Variants in MAPKAPK5 observed in about 807,000 individuals in gnomAD.
The protein encoded by MAPKAPK5 is MAP kinase-activated protein kinase 5.
In MAPKAPK5, 30 loss-of-function variants were observed where a neutral mutation model predicts 65.1. That is an observed-to-expected ratio of 0.46 (90% CI 0.34 to 0.63). The LOEUF is 0.63. Among genes scored for constraint, MAPKAPK5 ranks in the 20% least tolerant of loss-of-function variants. MAPKAPK5 has a pLI of 0.01. For missense variants in MAPKAPK5, 433 were observed against 581.4 expected (o/e 0.74, Z 2.63); for synonymous variants, 179 against 204.6 (o/e 0.87, Z 1.07).
chr12:111,869,468 C>G (rs2069712641), intron 5 of MAPKAPK5, among the ~76,000 whole-genome samples: 1 of 152,180 alleles, frequency 6.6e-6, no homozygotes. Flanking sequence ...ACCCTCAAGG[C>G]TTATCTTCAT....
intron 7 of MAPKAPK5, among the ~76,000 whole-genome samples, chr12:111,878,835 A>C (rs1004281255): frequency 6.6e-6 from 1 of 152,130 alleles, no homozygotes; most frequent in Non-Finnish European, 1.5e-5. Context: ...TATATGTGTG[A>C]ATTTATTTTT....
chr12:111,857,366 G>T (rs770907513), intron 1 of MAPKAPK5, among the ~76,000 whole-genome samples: 1 of 151,336 alleles, frequency 6.6e-6, no homozygotes, highest in Non-Finnish European at 1.5e-5. Flanking sequence ...CTCACCCTCC[G>T]TAGTAGCTGG....
chr12:111,901,278 A>G lies in MAPKAPK5; in HGVS notation c.*8217A>G. 2.2e-6 allele frequency: 1 copy of G among 455,798 alleles called. No individual in the cohort carries two copies. Among genetic ancestry groups the G allele is most frequent in the Non-Finnish European group, 4.4e-6 (1 of 226,788 alleles). 28.2% of individuals were successfully genotyped at this position (455,798 alleles called of 1,614,324 possible). A position where few individuals can be genotyped will look rare whatever the true frequency, so the allele number is the denominator to read the frequency against. On this transcript the variant is annotated 3_prime_UTR_variant, in exon 14 of 14. Transcript: ENST00000550735. ...CAACCCAGAAAAAACGTGTAATGGG[A>G]AGGGAGTTTGTAATGATTTAGGGCA... is the stretch of plus-strand genomic sequence containing the variant.
At chr12:111,844,969 T>C (rs1307382136) in intron 1 of MAPKAPK5, among the ~76,000 whole-genome samples, 1 of 152,188 alleles carries the variant, frequency 6.6e-6, no homozygotes, top group Admixed American at 6.5e-5. Context: ...TTGTAGGCCA[T>C]CGTAAGAACT....
chr12:111,865,167 G>A (rs757445701), intron 1 of MAPKAPK5, 83 bp from the exon 2 acceptor site: 6 of 806,422 alleles, frequency 7.4e-6, no homozygotes, highest in African/African-American at 1.7e-5. Flanking sequence ...TGAGTGACAG[G>A]TCTTCTGTTG....
At chr12:111,855,711 C>T (rs2069211814) in intron 1 of MAPKAPK5, among the ~76,000 whole-genome samples, 1 of 151,862 alleles carries the variant, frequency 6.6e-6, no homozygotes, top group Non-Finnish European at 1.5e-5. Flanking sequence ...CCTGTAGTCC[C>T]AGCTACTTGG....
In MAPKAPK5 at chr12:111,900,788, A is replaced by G. The variant is rs893281386; in HGVS notation, c.*7727A>G. ...CAGAATTTTGCAATGGTACATCTGC[A>G]TTATGCCCCAACAACAGGCATAAGC... On this transcript the variant is annotated 3_prime_UTR_variant, in exon 14 of 14. Coordinates refer to ENST00000550735, the MANE Select transcript of MAPKAPK5 (RefSeq NM_003668.4). 4.4e-6 allele frequency: 2 copies of G among 456,130 alleles called. No homozygotes were observed. Among genetic ancestry groups the G allele is most frequent in the Admixed American group, 4.7e-5 (2 of 42,576 alleles). 28.3% of individuals were successfully genotyped at this position (456,130 alleles called of 1,614,324 possible). A position where few individuals can be genotyped will look rare whatever the true frequency, so the allele number is the denominator to read the frequency against.
chr12:111,855,259 A>T (rs2069197247), intron 1 of MAPKAPK5, among the ~76,000 whole-genome samples: 1 of 151,720 alleles, frequency 6.6e-6, no homozygotes, highest in Admixed American at 6.6e-5. Context: ...ATTTTTCTGT[A>T]TTCTGTTTTA....
Position 111,893,039 on chromosome 12 carries a change from C to CCA in MAPKAPK5, c.1396_1397dup (p.Ser467ArgfsTer47). ...GTGAAGCAGGTGATAGAAGAGCAAA[C>CCA]CACGTCCCACGAATCCCAATAATGA... On this transcript the variant is annotated frameshift_variant, in exon 14 of 14. Transcript: ENST00000550735. LOFTEE classifies it high-confidence loss of function. The CCA allele has an allele frequency of 6.3e-7, 1 of 1,577,856 alleles. No individual in the cohort carries two copies. The highest frequency in any genetic ancestry group is 8.6e-7 in the Non-Finnish European group (1 of 1,161,118).
chr12:111,897,249 T>C lies in MAPKAPK5; in HGVS notation c.*4188T>C, dbSNP rs2070853434. On this transcript the variant is annotated 3_prime_UTR_variant, in exon 14 of 14. Transcript: ENST00000550735. The stretch of plus-strand genomic sequence containing the variant: ...AGCTGGGACTACAGGAGCAAACCAC[T>C]GTGCCTGGCAGGAATTACTCTTTAA... 6.6e-6 allele frequency: 1 copy of C among 152,196 alleles called. No homozygotes were observed. The allele number at this position is 152,196 out of a possible 1,614,324, so 9.4% of individuals were successfully genotyped here.
chr12:111,890,029 CT>C lies in MAPKAPK5; in HGVS notation c.1217-9del. 2.6e-6 allele frequency: 4 copies of C among 1,551,946 alleles called. No homozygotes were observed. The South Asian group carries it at 3.5e-5, about 14-fold the overall frequency. ...GGAAAAATGCAAATTCCTCTTCATC[CT>C]TACCAATAGGAGAGAATGAAGATGA... On this transcript the variant is annotated splice_polypyrimidine_tract_variant and intron_variant, in intron 12 of 13. Coordinates refer to ENST00000550735, the MANE Select transcript of MAPKAPK5 (RefSeq NM_003668.4).
intron 1 of MAPKAPK5, among the ~76,000 whole-genome samples, chr12:111,860,530 C>G (rs1388068659): frequency 2.0e-5 from 3 of 152,190 alleles, no homozygotes; most frequent in African/African-American, 7.2e-5. Flanking sequence ...CATGAATTTT[C>G]TTCCTCACCC....
chr12:111,869,682 A>G (rs894151809), intron 5 of MAPKAPK5, among the ~76,000 whole-genome samples: 1 of 152,206 alleles, frequency 6.6e-6, no homozygotes, highest in Non-Finnish European at 1.5e-5. Context: ...GATTTTTAAA[A>G]TTATACCTTT....
chr12:111,882,745 T>C (rs866679341), intron 8 of MAPKAPK5: 1 of 944,986 alleles, frequency 1.1e-6, no homozygotes, highest in Middle Eastern at 5.5e-4. Flanking sequence ...AGTGAGTCCT[T>C]CATGGTCAAA....
chr12:111,871,052 T>C (rs1185685936), intron 6 of MAPKAPK5, 33 bp from the exon 7 acceptor site: 1 of 1,550,574 alleles, frequency 6.4e-7, no homozygotes, highest in Admixed American at 1.7e-5. Flanking sequence ...CTGAGCACTC[T>C]GGAGCAGTGA....
At chr12:111,856,625 T>C (rs1402399169) in intron 1 of MAPKAPK5, among the ~76,000 whole-genome samples, 1 of 152,128 alleles carries the variant, frequency 6.6e-6, no homozygotes, top group Non-Finnish European at 1.5e-5. Context: ...CAGGCTGGTC[T>C]CAAACTCCTG....
chr12:111,871,049 C>G (rs376117670), intron 6 of MAPKAPK5, 36 bp from the exon 7 acceptor site: 11 of 1,538,644 alleles, frequency 7.1e-6, no homozygotes, highest in Middle Eastern at 1.7e-4. Context: ...TTACTGAGCA[C>G]TCTGGAGCAG....
rs181044350 is a variant in MAPKAPK5, at chr12:111,894,557, T to C, written c.*1496T>C. The C allele has an allele frequency of 6.6e-6, 1 of 152,106 alleles. No homozygotes were observed. Among genetic ancestry groups the C allele is most frequent in the African/African-American group, 2.4e-5 (1 of 41,412 alleles). The allele number at this position is 152,106 out of a possible 1,614,324, so 9.4% of individuals were successfully genotyped here. On this transcript the variant is annotated 3_prime_UTR_variant, in exon 14 of 14. Coordinates refer to ENST00000550735, the MANE Select transcript of MAPKAPK5 (RefSeq NM_003668.4). ...ATGATCCAGTTTTGGTTTTTTTTTT[T>C]ATAAGGCTGCCCTGTTTCTCTGTAA... is the stretch of plus-strand genomic sequence containing the variant.
rs1406320486 is a variant in MAPKAPK5 at position 111,893,091 on chromosome 12, AT to A, written c.*33del. On this transcript the variant is annotated 3_prime_UTR_variant, in exon 14 of 14. Transcript: ENST00000550735. ...AGCTTCAGACTTTGTTTTTTTAACAATTTGAAAAATTATTCTTTAATGTATA... is the reference window on the plus strand; with the variant it reads ...AGCTTCAGACTTTGTTTTTTTAACAATTGAAAAATTATTCTTTAATGTATA... 1 of 1,438,824 alleles carries A rather than the reference AT, an allele frequency of 7.0e-7. No individual in the cohort carries two copies. Among genetic ancestry groups the A allele is most frequent in the Non-Finnish European group, 9.4e-7 (1 of 1,065,016 alleles). 89.1% of individuals were successfully genotyped at this position (1,438,824 alleles called of 1,614,324 possible).
Sources: gnomAD v4.1 joint callset for allele counts (sites outside exome capture counted in the v4.1 genomes callset) on GRCh38, gnomAD v4.1.1 for gene constraint, MANE v1.5 for transcripts, NCBI Gene and HGNC (gene_info 2026-07-23, HGNC 2026-07-21) for gene names.